CEACAM8: variants seen among roughly 807,000 people sequenced by gnomAD.
CEACAM8 encodes CEA cell adhesion molecule 8.
A neutral mutation model predicts 33.4 loss-of-function variants in CEACAM8; 31 were observed. The ratio of observed to expected loss-of-function variants is 0.93; its 90% confidence interval spans 0.70 to 1.25. The LOEUF is 1.25. Ranked by LOEUF, CEACAM8 falls within the 50% of genes most tolerant of loss-of-function variation. The pLI, the probability that CEACAM8 is intolerant of heterozygous loss-of-function variation, is 0.00. For missense variants in CEACAM8, 388 were observed against 434.6 expected (o/e 0.89, Z 0.95); for synonymous variants, 138 against 164.5 (o/e 0.84, Z 1.23).
chr19:42,581,920 A>AAAAAAAGAT (rs1555805368), intron 5 of CEACAM8, among the ~76,000 whole-genome samples: 1 of 25,308 alleles, frequency 4.0e-5, no homozygotes, highest in Admixed American at 6.7e-4. Context: ...AAAAAAAAAA[A>AAAAAAAGAT]ATATATATAT....
chr19:42,588,706 T>A (rs2042377179), intron 4 of CEACAM8, 78 bp downstream of exon 4: 3 of 1,550,416 alleles, frequency 1.9e-6, no homozygotes, highest in Non-Finnish European at 8.8e-7. Context: ...GGAATAAAAC[T>A]TTTTTTCTGG....
At chr19:42,585,851 T>A (rs2042328526) in intron 4 of CEACAM8, among the ~76,000 whole-genome samples, 1 of 152,110 alleles carries the variant, frequency 6.6e-6, no homozygotes, top group Admixed American at 6.5e-5. Context: ...ACTCTAAGGA[T>A]GAAAAAAACC....
At chr19:42,589,233 T>C (rs1280729128) in intron 3 of CEACAM8, among the ~76,000 whole-genome samples, 195 bp from the exon 4 acceptor site, 1 of 152,164 alleles carries the variant, frequency 6.6e-6, no homozygotes, top group Non-Finnish European at 1.5e-5. Flanking sequence ...TCAGAAGATG[T>C]GGACTCCAAG....
rs1489788998 is a variant in CEACAM8, at chr19:42,593,653, A to G, written c.312T>C (p.Asn104=). ...AYSNRETIYP[N]ASLLMRNVTR... is the part of the protein sequence containing the mutation. ...TGACGTTCCGCATCAGCAGGGATGC[A>G]TTGGGGTATATTGTCTCTCGATTGC... Residue 104 remains asparagine (N), a synonymous_variant, in exon 2 of 6, where the codon AAT becomes AAC. Coordinates refer to ENST00000244336, the MANE Select transcript of CEACAM8 (RefSeq NM_001816.4). 6.2e-7 allele frequency: 1 copy of G among 1,613,924 alleles called. No homozygotes were observed. Among genetic ancestry groups the G allele is most frequent in the African/African-American group, 1.3e-5 (1 of 74,908 alleles).
chr19:42,581,618 G>A (rs548555219), intron 5 of CEACAM8, among the ~76,000 whole-genome samples: 7 of 152,060 alleles, frequency 4.6e-5, no homozygotes, highest in South Asian at 2.1e-4. Flanking sequence ...AAGGCTGGGC[G>A]TGGTGGCTTA....
At position 42,589,503 on chromosome 19, in the gene CEACAM8, G is replaced by C. The variant is rs144009826; in HGVS notation, c.657C>G (p.Asn219Lys). 3.9e-4 allele frequency: 625 copies of C among 1,614,106 alleles called. No individual in the cohort carries two copies. The highest frequency in any genetic ancestry group is 1.1e-3 in the Admixed American group (66 of 60,008). ...DVGPYECEIQ[N>K]PASANFSDPV... ...GGTCACTGAAGTTTGCACTCGCTGGGTTCTGTATTTCACATTCATAGGGTC... is the reference window on the plus strand; with the variant it reads ...GGTCACTGAAGTTTGCACTCGCTGGCTTCTGTATTTCACATTCATAGGGTC... The change falls in exon 3 of 6, where the codon AAC becomes AAG. Residue 219 changes from asparagine to lysine, a missense_variant. Transcript: ENST00000244336.
intron 2 of CEACAM8, among the ~76,000 whole-genome samples, chr19:42,590,214 G>C (rs892598985): frequency 6.6e-6 from 1 of 152,204 alleles, no homozygotes; most frequent in East Asian, 1.9e-4. Context: ...TCCTGACTGG[G>C]TGTTTCAACA....
chr19:42,582,643 GTGTA>G (rs2042276630), intron 5 of CEACAM8, among the ~76,000 whole-genome samples: 1 of 152,176 alleles, frequency 6.6e-6, no homozygotes, highest in African/African-American at 2.4e-5. Flanking sequence ...AGAATTCTAT[GTGTA>G]TATGGGGTAG....
intron 2 of CEACAM8, among the ~76,000 whole-genome samples, chr19:42,592,260 T>C (rs2042455087): frequency 6.6e-6 from 1 of 152,120 alleles, no homozygotes; most frequent in Admixed American, 6.5e-5. Flanking sequence ...CCTGGTTCAG[T>C]GACTGTGTCT....
chr19:42,593,544 G>C lies in CEACAM8; in HGVS notation c.421C>G (p.His141Asp), dbSNP rs1309387636. The change falls in exon 2 of 6, where the codon CAT becomes GAT. Residue 141 changes from histidine to aspartate, a missense_variant. Transcript: ENST00000244336. ...GAGGTCATGGGGAATCACTCACGAT[G>C]TACGCTGAACTGGCCAGTTACTTCT... is the stretch of plus-strand genomic sequence containing the variant. ...SEEVTGQFSV[H>D]PETPKPSISS... 4.5e-6 allele frequency: 7 copies of C among 1,558,748 alleles called. No homozygotes were observed. Among genetic ancestry groups the C allele is most frequent in the South Asian group, 1.2e-5 (1 of 81,052 alleles).
rs1190584646 is a variant in CEACAM8 at position 42,581,189 on chromosome 19, CA to C, written c.*204del. 1.3e-5 allele frequency: 2 copies of C among 151,794 alleles called. No homozygotes were observed. The highest frequency in any genetic ancestry group is 2.9e-5 in the Non-Finnish European group (2 of 68,000). The allele number at this position is 151,794 out of a possible 1,614,324, so 9.4% of individuals were successfully genotyped here. On this transcript the variant is annotated 3_prime_UTR_variant, in exon 6 of 6. Transcript: ENST00000244336. ...TTGGTGGGCAACTTCACAAAGGTAT[CA>C]GCCTGTTTGCAAGTTCATAGACAGT...
At chr19:42,589,369 T>C in intron 3 of CEACAM8, 88 bp downstream of exon 3, 1 of 1,590,440 alleles carries the variant, frequency 6.3e-7, no homozygotes, top group South Asian at 1.1e-5. Flanking sequence ...TCTGCATTTT[T>C]GGAGCTGAGA....
At chr19:42,592,757 G>A (rs921382368) in intron 2 of CEACAM8, among the ~76,000 whole-genome samples, 3 of 152,142 alleles carry the variant, frequency 2.0e-5, no homozygotes, top group East Asian at 3.8e-4. Context: ...CAAACAGCAC[G>A]GGTTATTATT....
intron 4 of CEACAM8, among the ~76,000 whole-genome samples, chr19:42,587,612 C>T (rs1414143176): frequency 6.6e-6 from 1 of 152,108 alleles, no homozygotes; most frequent in Non-Finnish European, 1.5e-5. Context: ...GAGAGTTACT[C>T]TTTATTGGGC....
rs554918701 is a variant in CEACAM8, at chr19:42,589,602, C to T, written c.558G>A (p.Pro186=). 26 of 1,614,138 alleles carry T rather than the reference C, an allele frequency of 1.6e-5. No individual in the cohort carries two copies. Among genetic ancestry groups the T allele is most frequent in the South Asian group, 1.5e-4 (14 of 91,076 alleles). ...TGGACAGCTGCAGCCTGGGACTGAC[C>T]GGGAGACTCTGACCATTTACCCACC... ...YLWWVNGQSL[P]VSPRLQLSNG... is the part of the protein sequence containing the mutation. Residue 186 remains proline (P), a synonymous_variant, in exon 3 of 6, where the codon CCG becomes CCA. Transcript: ENST00000244336.
At chr19:42,584,433 G>A (rs1042262424) in intron 4 of CEACAM8, among the ~76,000 whole-genome samples, 2 of 152,154 alleles carry the variant, frequency 1.3e-5, no homozygotes, top group Non-Finnish European at 2.9e-5. Flanking sequence ...CAGATGAAAC[G>A]ACAGAGGCTT....
At chr19:42,594,111 C>T (rs755247320) in intron 1 of CEACAM8, among the ~76,000 whole-genome samples, 1 of 152,168 alleles carries the variant, frequency 6.6e-6, no homozygotes, top group Non-Finnish European at 1.5e-5. Context: ...TTCTGCACGG[C>T]TCCCTCCACA....
intron 4 of CEACAM8, among the ~76,000 whole-genome samples, chr19:42,583,670 C>T (rs1351703056): frequency 1.3e-5 from 2 of 152,144 alleles, no homozygotes; most frequent in Non-Finnish European, 2.9e-5. Flanking sequence ...GCATCTTTTT[C>T]TCAGTGTCTT....
chr19:42,593,536 C>T lies in CEACAM8; in HGVS notation c.424+5G>A. Reference sequence around the variant, plus strand: ...AACACCCAGAGGTCATGGGGAATCACTCACGATGTACGCTGAACTGGCCAG... The same window carrying T: ...AACACCCAGAGGTCATGGGGAATCATTCACGATGTACGCTGAACTGGCCAG... On this transcript the variant is annotated splice_donor_5th_base_variant and intron_variant, in intron 2 of 5. Coordinates refer to ENST00000244336, the MANE Select transcript of CEACAM8 (RefSeq NM_001816.4). The T allele has an allele frequency of 1.3e-6, 2 of 1,553,736 alleles. No homozygotes were observed. The highest frequency in any genetic ancestry group is 8.7e-7 in the Non-Finnish European group (1 of 1,147,876).
Sources: gnomAD v4.1 joint callset for allele counts (sites outside exome capture counted in the v4.1 genomes callset) on GRCh38, gnomAD v4.1.1 for gene constraint, MANE v1.5 for transcripts, NCBI Gene and HGNC (gene_info 2026-07-23, HGNC 2026-07-21) for gene names.